DAGLA: variants seen among roughly 807,000 people sequenced by gnomAD.
The protein encoded by DAGLA is diacylglycerol lipase alpha, also known as diacylglycerol lipase-alpha.
A neutral mutation model predicts 102.6 loss-of-function variants in DAGLA; 22 were observed. The ratio of observed to expected loss-of-function variants is 0.21; its 90% CI spans 0.15 to 0.31. The LOEUF (loss-of-function observed/expected upper bound fraction) is 0.31, where lower values mean the gene tolerates loss of function less well. Ranked by LOEUF, DAGLA falls within the 10% of genes least tolerant of loss-of-function variation. DAGLA has a pLI of 1.00. For synonymous variants in DAGLA, 578 were observed against 628.9 expected (o/e 0.92, Z 1.21); for missense variants, 927 against 1,446.6 (o/e 0.64, Z 5.83).
At chr11:61,725,275 C>G (rs1001395844) in intron 5 of DAGLA, among the ~76,000 whole-genome samples, 1 of 152,152 alleles carries the variant, frequency 6.6e-6, no homozygotes, top group Non-Finnish European at 1.5e-5. Context: ...GAATAACTGG[C>G]CCATTGCTCT....
intron 9 of DAGLA, among the ~76,000 whole-genome samples, chr11:61,732,697 G>A (rs2065386077): frequency 6.6e-6 from 1 of 152,146 alleles, no homozygotes; most frequent in African/African-American, 2.4e-5. Context: ...GCCCAGCCAG[G>A]CCCCTGCCTG....
Position 61,743,798 on chromosome 11 carries a change from T to C in DAGLA, c.2438T>C (p.Leu813Pro). ...IRGSPSLHAV[L>P]ERDEGHLFYI... Reference sequence around the variant, plus strand: ...GGCTCCCCCAGCCTCCACGCTGTGCTGGAGCGTGATGAAGGCCACCTCTTC... The same window carrying C: ...GGCTCCCCCAGCCTCCACGCTGTGCCGGAGCGTGATGAAGGCCACCTCTTC... Residue 813 changes from leucine (L) to proline (P), a missense_variant, in exon 20 of 20, where the codon CTG (leucine) becomes CCG (proline). By Grantham distance (98) the Leu-to-Pro change is moderately conservative. Around this residue, in one of 4 missense-constraint regions of DAGLA, gnomAD observed 434 missense variants for 503.3 expected, o/e 0.86. Coordinates refer to ENST00000257215, the MANE Select transcript of DAGLA (RefSeq NM_006133.3). 1 of 1,612,546 alleles carries C rather than the reference T, an allele frequency of 6.2e-7. No individual in the cohort carries two copies. The highest frequency in any genetic ancestry group is 8.5e-7 in the Non-Finnish European group (1 of 1,179,932).
intron 1 of DAGLA, among the ~76,000 whole-genome samples, chr11:61,687,426 G>A (rs2064994367): frequency 6.6e-6 from 1 of 152,022 alleles, no homozygotes; most frequent in African/African-American, 2.4e-5. Flanking sequence ...TCCGCCTCCT[G>A]GTTCAAGTGA....
rs370577505 is a variant in DAGLA at position 61,734,881 on chromosome 11, C to T, written c.1007C>T (p.Ala336Val). ...CCLCPARPRF[A>V]PGVTIEEDNC... is the part of the protein sequence containing the mutation. ...CTGTGTCCTGCGAGGCCGCGGTTCG[C>T]CCCTGGAGTCACCATCGAGGAAGAC... The change falls in exon 10 of 20, where the codon GCC becomes GTC. Residue 336 changes from alanine (A) to valine (V), a missense_variant. Physicochemically the swap from Ala to Val is moderately conservative, Grantham distance 64. Coordinates refer to ENST00000257215, the MANE Select transcript of DAGLA (RefSeq NM_006133.3). This position sits in a 1 kb window ranked among gnomAD's most constrained non-coding sequence, Gnocchi z 4.2. The T allele has an allele frequency of 1.2e-6, 2 of 1,613,912 alleles. No homozygotes were observed. The highest frequency in any genetic ancestry group is 1.7e-6 in the Non-Finnish European group (2 of 1,179,938).
At chr11:61,725,801 C>G (rs1381085356) in intron 5 of DAGLA, among the ~76,000 whole-genome samples, 194 bp from the exon 6 acceptor site, 1 of 152,232 alleles carries the variant, frequency 6.6e-6, no homozygotes, top group Non-Finnish European at 1.5e-5. Flanking sequence ...TCAGGGAGGG[C>G]CCCTGCTGGC....
intron 9 of DAGLA, among the ~76,000 whole-genome samples, chr11:61,732,177 C>T (rs1047906028): frequency 2.0e-5 from 3 of 152,202 alleles, no homozygotes; most frequent in African/African-American, 7.2e-5. Context: ...AGGACAGTTC[C>T]CTGGGCTCCC....
At chr11:61,714,855 C>A (rs2065223913) in intron 1 of DAGLA, among the ~76,000 whole-genome samples, 1 of 152,182 alleles carries the variant, frequency 6.6e-6, no homozygotes, top group Admixed American at 6.5e-5. Flanking sequence ...GCCTGCCTGG[C>A]CTCTTGATCC....
intron 1 of DAGLA, among the ~76,000 whole-genome samples, chr11:61,709,551 C>T (rs897936476): frequency 6.6e-6 from 1 of 152,180 alleles, no homozygotes; most frequent in African/African-American, 2.4e-5. Context: ...GGCCACCTCC[C>T]CTCATCTGGG....
intron 1 of DAGLA, among the ~76,000 whole-genome samples, chr11:61,690,266 G>A (rs1409660393): frequency 1.3e-5 from 2 of 152,186 alleles, no homozygotes; most frequent in African/African-American, 2.4e-5. Flanking sequence ...GGGCCAGACC[G>A]TGGAGCAGAT....
intron 6 of DAGLA, 37 bp downstream of exon 6, chr11:61,726,119 C>T (rs1464336023): frequency 1.9e-6 from 3 of 1,587,814 alleles, no homozygotes; most frequent in Admixed American, 1.7e-5. Flanking sequence ...TGGCTCACAT[C>T]CTGTGGTCAG....
chr11:61,696,171 G>T (rs1479679718), intron 1 of DAGLA, among the ~76,000 whole-genome samples: 2 of 152,188 alleles, frequency 1.3e-5, no homozygotes, highest in Non-Finnish European at 2.9e-5. Context: ...CCGTTCCGTA[G>T]GTGTCAGCGG....
chr11:61,723,965 C>T (rs1348404788), intron 5 of DAGLA, among the ~76,000 whole-genome samples: 4 of 152,138 alleles, frequency 2.6e-5, no homozygotes. Flanking sequence ...GTCAACTTCC[C>T]CATAATATGG....
At position 61,737,644 on chromosome 11, in the gene DAGLA, C is replaced by G. The variant is rs1310832075; in HGVS notation, c.1515-43C>G. ...CCCCCCGATTCCGGAACACCACCACCCCGCCCCCTTGGCCTTAGCTTCTGC... is the reference window on the plus strand; with the variant it reads ...CCCCCCGATTCCGGAACACCACCACGCCGCCCCCTTGGCCTTAGCTTCTGC... On this transcript the variant is annotated intron_variant, in intron 14 of 19. Transcript: ENST00000257215. 4.4e-6 allele frequency: 7 copies of G among 1,576,542 alleles called. No homozygotes were observed. In the South Asian group the frequency reaches 7.7e-5, roughly 17 times the overall value.
intron 4 of DAGLA, 94 bp from the exon 5 acceptor site, chr11:61,723,340 G>A (rs2065299466): frequency 1.3e-6 from 2 of 1,523,564 alleles, no homozygotes; most frequent in Non-Finnish European, 1.8e-6. Context: ...AGCATTTGGG[G>A]TTAGGGAGGC....
At chr11:61,690,306 TC>T (rs2065013632) in intron 1 of DAGLA, among the ~76,000 whole-genome samples, 1 of 152,088 alleles carries the variant, frequency 6.6e-6, no homozygotes, top group East Asian at 1.9e-4. Context: ...GTCTCCCATC[TC>T]CCCATTTATT....
intron 1 of DAGLA, among the ~76,000 whole-genome samples, chr11:61,719,378 C>G (rs918087421): frequency 2.6e-5 from 4 of 152,060 alleles, no homozygotes; most frequent in African/African-American, 9.7e-5. Flanking sequence ...TGGAAGGTGT[C>G]CCAAGCCCTA....
intron 19 of DAGLA, 28 bp from the exon 20 acceptor site, chr11:61,743,504 T>C (rs770983536): frequency 3.3e-6 from 5 of 1,492,922 alleles, no homozygotes; most frequent in Non-Finnish European, 3.6e-6. Flanking sequence ...CTGAGTCTTA[T>C]ACCCCCTGCT....
intron 19 of DAGLA, among the ~76,000 whole-genome samples, chr11:61,742,609 C>T (rs753867237): frequency 2.0e-5 from 3 of 152,284 alleles, no homozygotes; most frequent in Middle Eastern, 3.4e-3. Flanking sequence ...CAGAGGGCTG[C>T]GGCCCATGGG....
At chr11:61,702,410 C>T (rs999164186) in intron 1 of DAGLA, among the ~76,000 whole-genome samples, 4 of 152,194 alleles carry the variant, frequency 2.6e-5, no homozygotes, top group African/African-American at 9.7e-5. Flanking sequence ...ATGATAGCAC[C>T]TTAAGGCTCC....
Sources: gnomAD v4.1 joint callset for allele counts (sites outside exome capture counted in the v4.1 genomes callset) on GRCh38, gnomAD v4.1.1 for gene constraint, gnomAD v4.1.1 regional missense constraint, Gnocchi (gnomAD v3.1) non-coding constraint, MANE v1.5 for transcripts, NCBI Gene and HGNC (gene_info 2026-07-23, HGNC 2026-07-21) for gene names.